INTS14: variants seen among roughly 807,000 people sequenced by gnomAD.
The protein encoded by INTS14 is UPF0464 protein C15orf44.
In INTS14, 27 loss-of-function variants were observed where a neutral mutation model predicts 56.9. The observed-to-expected ratio is 0.47, with a 90% CI of 0.35 to 0.65. The LOEUF is 0.65. Among genes scored for constraint, INTS14 ranks in the 30% least tolerant of loss-of-function variants. The pLI, the probability that INTS14 is intolerant of heterozygous loss-of-function variation, is 0.00. For missense variants in INTS14, 517 were observed against 632.2 expected, an observed-to-expected ratio of 0.82 and a Z score of 1.95; for synonymous variants, 207 against 236.2, an observed-to-expected ratio of 0.88 and a Z score of 1.13.
chr15:65,591,584 G>A lies in INTS14; in HGVS notation c.1120+14C>T, dbSNP rs375826786. ...AACAAAGTCAGGATAAGTAAAATCT[G>A]ATCTGGATTATACCTGAAATAGGAC... On this transcript the variant is annotated intron_variant, in intron 9 of 11. Transcript: ENST00000313182. 3 of 1,611,598 alleles carry A rather than the reference G, an allele frequency of 1.9e-6. No homozygotes were observed. The highest frequency in any genetic ancestry group is 2.5e-6 in the Non-Finnish European group (3 of 1,179,186).
chr15:65,606,112 G>A (rs2073636200), intron 2 of INTS14, among the ~76,000 whole-genome samples: 3 of 151,900 alleles, frequency 2.0e-5, no homozygotes. Context: ...AAAATTAGCC[G>A]GGCGAGGTGG....
At chr15:65,596,981 AG>A (rs1293522760) in intron 6 of INTS14, among the ~76,000 whole-genome samples, 2 of 152,224 alleles carry the variant, frequency 1.3e-5, no homozygotes, top group East Asian at 3.8e-4. Flanking sequence ...GAGTAGAAAA[AG>A]GTCTACTTTA....
At chr15:65,591,526 C>T in intron 9 of INTS14, 72 bp downstream of exon 9, 10 of 1,533,660 alleles carry the variant, frequency 6.5e-6, no homozygotes, top group Non-Finnish European at 8.9e-6. Context: ...TCTCTGACTG[C>T]ACAGTCAGAG....
chr15:65,598,351 T>G lies in INTS14; in HGVS notation c.718A>C (p.Ile240Leu), dbSNP rs2073292308. The change falls in exon 6 of 12, where the codon ATT (isoleucine) becomes CTT (leucine). Residue 240 changes from isoleucine (I) to leucine (L), a missense_variant. Physicochemically the swap from Ile to Leu is conservative, Grantham distance 5. Transcript: ENST00000313182. Reference protein sequence around the residue: ...RPEPFVVDEEIDPIPKVINTD... With the variant: ...RPEPFVVDEELDPIPKVINTD... ...TTAATGACTTTAGGGATAGGATCAA[T>G]TTCTTCATCTACAACAAAAGGTTCT... is the stretch of plus-strand genomic sequence containing the variant. 1 of 1,613,988 alleles carries G rather than the reference T, an allele frequency of 6.2e-7. No individual in the cohort carries two copies. Among genetic ancestry groups the G allele is most frequent in the African/African-American group, 1.3e-5 (1 of 74,930 alleles).
chr15:65,588,449 G>A (rs1425371487), intron 9 of INTS14, among the ~76,000 whole-genome samples: 4 of 151,994 alleles, frequency 2.6e-5, no homozygotes, highest in Non-Finnish European at 5.9e-5. Context: ...AGGATTACTT[G>A]AGGTCAGGAG....
intron 1 of INTS14, chr15:65,610,858 G>C (rs994715538): frequency 4.0e-5 from 61 of 1,525,616 alleles, no homozygotes; most frequent in Non-Finnish European, 1.4e-5. Flanking sequence ...GGGGCAGAGG[G>C]GAGCTGAGCA....
At chr15:65,580,136 A>G (rs192448147) in intron 11 of INTS14, among the ~76,000 whole-genome samples, 26 of 152,316 alleles carry the variant, frequency 1.7e-4, no homozygotes, top group Non-Finnish European at 3.2e-4. Flanking sequence ...ACCAACAAAA[A>G]GAAAGGCTGG....
At chr15:65,590,558 C>T (rs1374214142) in intron 9 of INTS14, among the ~76,000 whole-genome samples, 2 of 152,204 alleles carry the variant, frequency 1.3e-5, no homozygotes, top group African/African-American at 4.8e-5. Flanking sequence ...CCAGGATGCC[C>T]TTTCTTCCCT....
At chr15:65,609,961 G>C (rs1243027122) in intron 1 of INTS14, among the ~76,000 whole-genome samples, 1 of 151,914 alleles carries the variant, frequency 6.6e-6, no homozygotes, top group Non-Finnish European at 1.5e-5. Flanking sequence ...ACTCCCAAAT[G>C]CACCTCATTA....
chr15:65,598,836 G>T (rs1321533335), intron 5 of INTS14, 36 bp downstream of exon 5: 1 of 1,483,056 alleles, frequency 6.7e-7, no homozygotes, highest in Non-Finnish European at 9.3e-7. Context: ...ATACTGGATT[G>T]TAAAGAAGGC....
chr15:65,605,750 A>G (rs2073620840), intron 2 of INTS14, among the ~76,000 whole-genome samples: 1 of 152,200 alleles, frequency 6.6e-6, no homozygotes, highest in African/African-American at 2.4e-5. Context: ...GTCTGACTTC[A>G]GGGCTCCTGG....
chr15:65,601,296 T>C (rs2073424124), intron 3 of INTS14, among the ~76,000 whole-genome samples: 1 of 152,198 alleles, frequency 6.6e-6, no homozygotes, highest in African/African-American at 2.4e-5. Context: ...AGGATTATTT[T>C]TGCTCTCCCT....
chr15:65,588,604 G>A (rs987742108), intron 9 of INTS14, among the ~76,000 whole-genome samples: 1 of 151,656 alleles, frequency 6.6e-6, no homozygotes, highest in Non-Finnish European at 1.5e-5. Context: ...GGAGGTGAAG[G>A]TTGCAGTGAA....
In INTS14 at chr15:65,598,382, G is replaced by A. The variant is rs1351002146; in HGVS notation, c.687C>T (p.Pro229=). 6.2e-7 allele frequency: 1 copy of A among 1,613,914 alleles called. No homozygotes were observed. Among genetic ancestry groups the A allele is most frequent in the East Asian group, 2.2e-5 (1 of 44,886 alleles). ...GHLTADVQVF[P]RPEPFVVDEE... Reference sequence around the variant, plus strand: ...CATCTACAACAAAAGGTTCTGGCCTGGGGAAGACTTGTACATCAGCAGTTA... The same window carrying A: ...CATCTACAACAAAAGGTTCTGGCCTAGGGAAGACTTGTACATCAGCAGTTA... The change falls in exon 6 of 12, where the codon CCC becomes CCT. Residue 229 remains proline, a synonymous_variant. Coordinates refer to ENST00000313182, the MANE Select transcript of INTS14 (RefSeq NM_001394796.1).
chr15:65,590,858 G>T (rs1476668124), intron 9 of INTS14, among the ~76,000 whole-genome samples: 1 of 152,186 alleles, frequency 6.6e-6, no homozygotes, highest in Admixed American at 6.5e-5. Context: ...GTAGCTAGTG[G>T]CACAAATGAC....
At chr15:65,602,130 A>T (rs751890651) in intron 3 of INTS14, among the ~76,000 whole-genome samples, 1 of 152,062 alleles carries the variant, frequency 6.6e-6, no homozygotes, top group South Asian at 2.1e-4. Context: ...CCAGCTACTC[A>T]TCAGGTGGCT....
intron 9 of INTS14, among the ~76,000 whole-genome samples, chr15:65,587,577 T>C (rs753803633): frequency 2.0e-5 from 3 of 152,120 alleles, no homozygotes; most frequent in Non-Finnish European, 4.4e-5. Flanking sequence ...ATAACTATAT[T>C]GGGAGGATAG....
intron 3 of INTS14, among the ~76,000 whole-genome samples, chr15:65,603,275 GT>G (rs1209023659): frequency 6.6e-6 from 1 of 152,094 alleles, no homozygotes; most frequent in Non-Finnish European, 1.5e-5. Flanking sequence ...TGTTTTTGTT[GT>G]TTTCTAAAGG....
At position 65,607,146 on chromosome 15, in the gene INTS14, C is replaced by G; in HGVS notation, c.222+13G>C. On this transcript the variant is annotated intron_variant, in intron 2 of 11. Transcript: ENST00000313182. Reference sequence around the variant, plus strand: ...TAGGCCCTGTACATACAATAACTTACTACATTTTGTACCTGTAGGGTATTA... The same window carrying G: ...TAGGCCCTGTACATACAATAACTTAGTACATTTTGTACCTGTAGGGTATTA... 1 of 1,612,562 alleles carries G rather than the reference C, an allele frequency of 6.2e-7. No homozygotes were observed. The highest frequency in any genetic ancestry group is 8.5e-7 in the Non-Finnish European group (1 of 1,178,678).
Sources: gnomAD v4.1 joint callset for allele counts (sites outside exome capture counted in the v4.1 genomes callset) on GRCh38, gnomAD v4.1.1 for gene constraint, MANE v1.5 for transcripts, NCBI Gene and HGNC (gene_info 2026-07-23, HGNC 2026-07-21) for gene names.